Variants in ARAP2 observed in about 807,000 individuals in gnomAD.
ARAP2 encodes the protein ArfGAP with RhoGAP domain, ankyrin repeat and PH domain 2.
A neutral mutation model predicts 194.5 loss-of-function variants in ARAP2; 148 were observed. The ratio of observed to expected loss-of-function variants is 0.76; its 90% CI spans 0.67 to 0.87. The LOEUF (loss-of-function observed/expected upper bound fraction) is 0.87, where lower values mean the gene tolerates loss of function less well. Among genes scored for constraint, ARAP2 ranks in the 40% least tolerant of loss-of-function variants. ARAP2 has a pLI of 0.00. For missense variants in ARAP2, 2,128 were observed against 1,989.7 expected (o/e 1.07, Z -1.32); for synonymous variants, 695 against 683.5 (o/e 1.02, Z -0.26).
chr4:36,054,302 TA>T (rs1469916745), intron 2 of ARAP2, among the ~76,000 whole-genome samples: 11 of 152,220 alleles, frequency 7.2e-5, no homozygotes, highest in African/African-American at 2.7e-4. Context: ...AAAGAGATTT[TA>T]TAAATATACA....
intron 31 of ARAP2, among the ~76,000 whole-genome samples, chr4:36,077,338 T>C (rs1488322164): frequency 1.3e-5 from 2 of 152,046 alleles, no homozygotes; most frequent in African/African-American, 2.4e-5. Context: ...CAAACTGGAC[T>C]ATAAAACTGC....
chr4:36,022,826 A>G (rs1340275020), intron 5 of ARAP2, among the ~76,000 whole-genome samples: 2 of 152,176 alleles, frequency 1.3e-5, no homozygotes, highest in South Asian at 2.1e-4. Flanking sequence ...GAGATTTGGC[A>G]TATTGTATTA....
intron 27 of ARAP2, among the ~76,000 whole-genome samples, chr4:36,101,187 G>T (rs1462598701): frequency 6.6e-6 from 1 of 151,874 alleles, no homozygotes; most frequent in Non-Finnish European, 1.5e-5. Context: ...GCAGATTTTG[G>T]TATCCACGAC....
chr4:36,187,971 T>C (rs946551316), intron 7 of ARAP2, among the ~76,000 whole-genome samples: 4 of 152,156 alleles, frequency 2.6e-5, no homozygotes, highest in Non-Finnish European at 5.9e-5. Flanking sequence ...TTGAAACGAG[T>C]TTGTTACTTA....
intron 9 of ARAP2, among the ~76,000 whole-genome samples, chr4:36,010,992 T>C (rs1714421477): frequency 6.6e-6 from 1 of 152,164 alleles, no homozygotes; most frequent in Non-Finnish European, 1.5e-5. Context: ...CTTATAAGAC[T>C]TGAAGAACAT....
At chr4:36,185,985 A>C (rs893232284) in intron 8 of ARAP2, among the ~76,000 whole-genome samples, 1 of 152,058 alleles carries the variant, frequency 6.6e-6, no homozygotes, top group African/African-American at 2.4e-5. Flanking sequence ...TCTCAAAAAA[A>C]AAAAAGGATA....
chr4:36,030,314 T>C (rs1483669385), intron 5 of ARAP2, among the ~76,000 whole-genome samples: 1 of 152,136 alleles, frequency 6.6e-6, no homozygotes, highest in African/African-American at 2.4e-5. Flanking sequence ...GACTTATTTT[T>C]TGTTTTGTAT....
chr4:36,028,223 A>G (rs1345792137), intron 5 of ARAP2, among the ~76,000 whole-genome samples: 1 of 152,166 alleles, frequency 6.6e-6, no homozygotes, highest in East Asian at 1.9e-4. Flanking sequence ...TAGAAAGAAG[A>G]TTTCCTTTTT....
chr4:36,171,666 A>G (rs960337396), intron 9 of ARAP2, among the ~76,000 whole-genome samples: 24 of 152,068 alleles, frequency 1.6e-4, no homozygotes, highest in African/African-American at 5.8e-4. Context: ...AACTTAAAGT[A>G]TAATAATTAA....
At chr4:36,196,961 C>T (rs1419425622) in intron 6 of ARAP2, among the ~76,000 whole-genome samples, 1 of 151,532 alleles carries the variant, frequency 6.6e-6, no homozygotes, top group Non-Finnish European at 1.5e-5. Flanking sequence ...AGTGACCATT[C>T]CTGACTATGC....
intron 6 of ARAP2, among the ~76,000 whole-genome samples, chr4:36,200,561 T>G (rs1421125926): frequency 1.3e-5 from 2 of 152,108 alleles, no homozygotes; most frequent in Non-Finnish European, 2.9e-5. Flanking sequence ...GGCCTCCTCT[T>G]TTCTAGCACA....
At chr4:36,014,295 A>AAGAAAGAAAGAAAGAAAGAAAGAAG (rs1553861836) in intron 8 of ARAP2, among the ~76,000 whole-genome samples, 2 of 143,254 alleles carry the variant, frequency 1.4e-5, no homozygotes, top group African/African-American at 5.5e-5. Flanking sequence ...GAAAGAAAGA[A>AAGAAAGAAAGAAAGAAAGAAAGAAG]AGAAGAGAAG....
At chr4:36,200,702 A>G (rs1744185451) in intron 6 of ARAP2, among the ~76,000 whole-genome samples, 1 of 152,190 alleles carries the variant, frequency 6.6e-6, no homozygotes, top group African/African-American at 2.4e-5. Context: ...ATAAATATCA[A>G]TGATTACTAA....
chr4:36,107,774 A>G, intron 26 of ARAP2, 81 bp from the exon 27 acceptor site: 3 of 1,398,828 alleles, frequency 2.1e-6, no homozygotes. Flanking sequence ...ATTTTAAAAA[A>G]TCCATTTGAA....
intron 9 of ARAP2, among the ~76,000 whole-genome samples, chr4:36,167,335 C>A (rs1735516682): frequency 6.6e-6 from 1 of 152,096 alleles, no homozygotes; most frequent in South Asian, 2.1e-4. Context: ...TCACCCTTAT[C>A]CATTCATTAA....
intron 1 of ARAP2, among the ~76,000 whole-genome samples, chr4:36,243,259 G>A (rs1753897305): frequency 6.6e-6 from 1 of 151,590 alleles, no homozygotes; most frequent in African/African-American, 2.4e-5. Flanking sequence ...ATACTATTAT[G>A]AGTAATAACA....
intron 21 of ARAP2, among the ~76,000 whole-genome samples, chr4:36,125,567 A>C (rs1359237626): frequency 6.6e-6 from 1 of 151,946 alleles, no homozygotes; most frequent in Non-Finnish European, 1.5e-5. Flanking sequence ...TAATAACTAC[A>C]ATCTGGATTT....
At chr4:36,217,042 AG>A (rs1748081719) in intron 2 of ARAP2, among the ~76,000 whole-genome samples, 1 of 152,242 alleles carries the variant, frequency 6.6e-6, no homozygotes, top group Non-Finnish European at 1.5e-5. Context: ...CATGTGAAAC[AG>A]GGATGGACTG....
intron 9 of ARAP2, among the ~76,000 whole-genome samples, chr4:36,177,410 T>C (rs1341150268): frequency 2.6e-5 from 4 of 152,094 alleles, no homozygotes; most frequent in Admixed American, 2.6e-4. Context: ...CAAGCAAATA[T>C]GTTACCTGTG....
Sources: gnomAD v4.1 joint callset for allele counts (sites outside exome capture counted in the v4.1 genomes callset) on GRCh38, gnomAD v4.1.1 for gene constraint, MANE v1.5 for transcripts, NCBI Gene and HGNC (gene_info 2026-07-23, HGNC 2026-07-21) for gene names.